Variants in ABCC11 observed in about 807,000 individuals in gnomAD.
ABCC11 encodes ATP-binding cassette sub-family C member 11.
In ABCC11, 135 loss-of-function variants were observed where a neutral mutation model predicts 149.3. The observed-to-expected ratio is 0.90, with a 90% CI of 0.79 to 1.04. ABCC11 has a LOEUF of 1.04. Among genes scored for constraint, ABCC11 ranks in the 50% least tolerant of loss-of-function variants. The pLI is 0.00. For synonymous variants in ABCC11, 665 were observed against 671.4 expected, an observed-to-expected ratio of 0.99 and a Z score of 0.15; for missense variants, 1,680 against 1,722.1, an observed-to-expected ratio of 0.98 and a Z score of 0.43.
chr16:48,172,618 T>A (rs1465381287), intron 26 of ABCC11, among the ~76,000 whole-genome samples: 1 of 152,146 alleles, frequency 6.6e-6, no homozygotes, highest in Admixed American at 6.5e-5. Context: ...TTTTGAGGAA[T>A]TGCCAAATTG....
intron 25 of ABCC11, 58 bp downstream of exon 25, chr16:48,176,866 C>A: frequency 6.4e-7 from 1 of 1,564,056 alleles, no homozygotes; most frequent in Non-Finnish European, 8.7e-7. Flanking sequence ...CTAAATAGGT[C>A]TAGTGCCCAA....
At chr16:48,208,072 G>A (rs1312496843) in intron 12 of ABCC11, among the ~76,000 whole-genome samples, 1 of 151,978 alleles carries the variant, frequency 6.6e-6, no homozygotes, top group Non-Finnish European at 1.5e-5. Flanking sequence ...TTGCAAGAGG[G>A]TATTGCAGTG....
rs949377943 is a variant in ABCC11, at chr16:48,192,567, C to T, written c.2659G>A (p.Val887Ile). The change falls in exon 20 of 30, where the codon GTC becomes ATC. Residue 887 changes from valine (V) to isoleucine (I), a missense_variant. Physicochemically the swap from Val to Ile is conservative, Grantham distance 29 (BLOSUM62 3). Transcript: ENST00000356608. Reference protein sequence around the residue: ...GVCSSGIFTKVTRKASTALHN... With the variant: ...GVCSSGIFTKITRKASTALHN... ...AGGGCCGTGGATGCCTTCCTCGTGA[C>T]CTTGGTGAAAATCCCTGAGGAGCAG... The T allele has an allele frequency of 2.5e-6, 4 of 1,614,228 alleles. No homozygotes were observed. The African/African-American group carries it at 4.0e-5, about 16-fold the overall frequency.
chr16:48,223,239 C>T (rs1184698215), intron 5 of ABCC11, among the ~76,000 whole-genome samples: 1 of 152,182 alleles, frequency 6.6e-6, no homozygotes, highest in African/African-American at 2.4e-5. Context: ...GTTCTGTGGC[C>T]CAAAAGGGGT....
chr16:48,187,253 A>T lies in ABCC11; in HGVS notation c.2881T>A (p.Tyr961Asn). The T allele has an allele frequency of 6.2e-7, 1 of 1,614,194 alleles. No homozygotes were observed. The highest frequency in any genetic ancestry group is 8.5e-7 in the Non-Finnish European group (1 of 1,180,040). Reference sequence around the variant, plus strand: ...ATTATGGCTCCCATTAACAGGATATATGGAGACAGCACACTGACAATCAAC... The same window carrying T: ...ATTATGGCTCCCATTAACAGGATATTTGGAGACAGCACACTGACAATCAAC... ...VLLIVSVLSP[Y>N]ILLMGAIIMV... Residue 961 changes from tyrosine to asparagine, a missense_variant, in exon 21 of 30, where the codon TAT (tyrosine) becomes AAT (asparagine). By Grantham distance (143) the Tyr-to-Asn change is moderately radical. Transcript: ENST00000356608.
intron 23 of ABCC11, 37 bp from the exon 24 acceptor site, chr16:48,178,723 G>C (rs1224394575): frequency 1.3e-6 from 2 of 1,579,360 alleles, no homozygotes; most frequent in Non-Finnish European, 1.7e-6. Flanking sequence ...TCAAGAGGCT[G>C]CTGGGGTGTG....
chr16:48,224,532 T>C, intron 4 of ABCC11, 103 bp from the exon 5 acceptor site: 1 of 1,321,216 alleles, frequency 7.6e-7, no homozygotes, highest in Non-Finnish European at 1.0e-6. Flanking sequence ...TTTTCAAACA[T>C]AACAGAATAG....
chr16:48,170,549 C>T (rs1467920412), intron 27 of ABCC11, among the ~76,000 whole-genome samples: 1 of 152,198 alleles, frequency 6.6e-6, no homozygotes, highest in African/African-American at 2.4e-5. Flanking sequence ...TTCTATGGGT[C>T]TCATGACTAC....
At chr16:48,183,633 T>A (rs1966581038) in intron 23 of ABCC11, among the ~76,000 whole-genome samples, 1 of 152,146 alleles carries the variant, frequency 6.6e-6, no homozygotes, top group South Asian at 2.1e-4. Context: ...AATGGTGGCA[T>A]GTGCCTGTAA....
chr16:48,218,164 T>C (rs1446305061), intron 6 of ABCC11, among the ~76,000 whole-genome samples: 1 of 152,012 alleles, frequency 6.6e-6, no homozygotes, highest in Non-Finnish European at 1.5e-5. Flanking sequence ...AGCATGGTGG[T>C]GTGTGCCTGT....
intron 3 of ABCC11, among the ~76,000 whole-genome samples, chr16:48,229,626 G>A (rs1288334855): frequency 6.6e-6 from 1 of 150,550 alleles, no homozygotes; most frequent in South Asian, 2.1e-4. Context: ...CACCGCACCC[G>A]GCTAATTTTT....
chr16:48,203,339 C>T, intron 13 of ABCC11, 39 bp from the exon 14 acceptor site: 2 of 1,514,132 alleles, frequency 1.3e-6, no homozygotes, highest in South Asian at 1.2e-5. Flanking sequence ...AGGGGACCAG[C>T]CCTCCCGCCC....
chr16:48,217,204 C>A (rs141893892), intron 6 of ABCC11, among the ~76,000 whole-genome samples: 1 of 152,044 alleles, frequency 6.6e-6, no homozygotes, highest in African/African-American at 2.4e-5. Flanking sequence ...ATTCTTCACT[C>A]GATTCTATTC....
At chr16:48,225,045 A>G (rs1301970769) in intron 4 of ABCC11, among the ~76,000 whole-genome samples, 1 of 149,546 alleles carries the variant, frequency 6.7e-6, no homozygotes, top group East Asian at 2.0e-4. Flanking sequence ...AAACAAACCA[A>G]AAAAAAAATA....
chr16:48,222,966 A>C lies in ABCC11; in HGVS notation c.544-135T>G, dbSNP rs1029241714. 5 of 754,282 alleles carry C rather than the reference A, an allele frequency of 6.6e-6. No individual in the cohort carries two copies. The African/African-American group carries it at 8.8e-5, about 13-fold the overall frequency. The allele number at this position is 754,282 out of a possible 1,614,324, so 46.7% of individuals were successfully genotyped here. A position where few individuals can be genotyped will look rare whatever the true frequency, so the allele number is the denominator to read the frequency against. On this transcript the variant is annotated intron_variant, in intron 5 of 29. Transcript: ENST00000356608. Reference sequence around the variant, plus strand: ...AAGGATCAAAACTGACTCAAGTACAATCCTGCCCTCAAGAAGGTTAAGGTC... The same window carrying C: ...AAGGATCAAAACTGACTCAAGTACACTCCTGCCCTCAAGAAGGTTAAGGTC...
intron 14 of ABCC11, among the ~76,000 whole-genome samples, chr16:48,202,060 T>C (rs1423986215): frequency 1.3e-5 from 2 of 152,194 alleles, no homozygotes; most frequent in African/African-American, 4.8e-5. Flanking sequence ...AGTTTCCCCA[T>C]TCATTCATTT....
chr16:48,222,753 C>G lies in ABCC11; in HGVS notation c.622G>C (p.Ala208Pro), dbSNP rs762949418. ...NVVHGVGLCF[A>P]LFLSECVKSL... ...TTCACACATTCGGAGAGAAAAAGGG[C>G]AAAGCAGAGTCCCACTCCATGGACA... The change falls in exon 6 of 30, where the codon GCC becomes CCC. Residue 208 changes from alanine (A) to proline (P), a missense_variant. Physicochemically the swap from Ala to Pro is conservative, Grantham distance 27. Transcript: ENST00000356608. The G allele has an allele frequency of 3.7e-6, 6 of 1,614,092 alleles. No homozygotes were observed. Among genetic ancestry groups the G allele is most frequent in the Non-Finnish European group, 5.1e-6 (6 of 1,180,036 alleles).
intron 23 of ABCC11, among the ~76,000 whole-genome samples, chr16:48,183,885 C>T (rs1248496091): frequency 1.3e-5 from 2 of 152,192 alleles, no homozygotes; most frequent in Non-Finnish European, 2.9e-5. Flanking sequence ...GTGAGTCAAA[C>T]CCCCCGGCTA....
rs763375872 is a variant in ABCC11, at chr16:48,214,870, C to G, written c.1248+11G>C. ...ATGATGGGGAGAAAACAAAGCCCCC[C>G]AAACCCTTACCATTGACGCTGTGAG... On this transcript the variant is annotated intron_variant, in intron 9 of 29. Transcript: ENST00000356608. 11 of 1,613,852 alleles carry G rather than the reference C, an allele frequency of 6.8e-6. No homozygotes were observed. Among genetic ancestry groups the G allele is most frequent in the Non-Finnish European group, 9.3e-6 (11 of 1,179,964 alleles).
Sources: allele counts gnomAD v4.1 joint callset (sites outside exome capture counted in the v4.1 genomes callset), GRCh38; gene constraint gnomAD v4.1.1; transcripts MANE v1.5; gene names NCBI Gene and HGNC (gene_info 2026-07-23, HGNC 2026-07-21).